CASQ2: variants seen among roughly 807,000 people sequenced by gnomAD.
The protein encoded by CASQ2 is calsequestrin 2.
Under a neutral mutation model 46.5 loss-of-function variants are expected in CASQ2, and 49 were observed. The observed-to-expected ratio is 1.05, with a 90% CI of 0.84 to 1.34. The LOEUF is 1.34. Ranked by LOEUF, CASQ2 falls within the 40% of genes most tolerant of loss-of-function variation. The probability of loss-of-function intolerance (pLI) is 0.00; values close to 1 mark genes in which losing one functional copy is unlikely to be tolerated. For synonymous variants in CASQ2, 174 were observed against 168.5 expected, an observed-to-expected ratio of 1.03 and a Z score of -0.25; for missense variants, 486 against 481.3, an observed-to-expected ratio of 1.01 and a Z score of -0.09.
At chr1:115,724,055 G>T (rs1210119650) in intron 7 of CASQ2, among the ~76,000 whole-genome samples, 2 of 152,120 alleles carry the variant, frequency 1.3e-5, no homozygotes, top group East Asian at 1.9e-4. Context: ...TCACTTCAAA[G>T]AATTAAACAG....
intron 1 of CASQ2, among the ~76,000 whole-genome samples, chr1:115,759,283 G>A (rs12057627): frequency 0.047 from 7,229 of 152,264 alleles, 603 homozygotes; most frequent in African/African-American, 0.16. Flanking sequence ...TTTGGGTTAT[G>A]TGGGTGGGCC....
At chr1:115,728,913 G>A (rs915034847) in intron 5 of CASQ2, among the ~76,000 whole-genome samples, 7 of 151,926 alleles carry the variant, frequency 4.6e-5, no homozygotes, top group South Asian at 2.1e-4. Flanking sequence ...TTGGATTGTC[G>A]TGTCCTTAAT....
chr1:115,766,427 C>T (rs949426497), intron 1 of CASQ2, among the ~76,000 whole-genome samples: 6 of 152,182 alleles, frequency 3.9e-5, no homozygotes, highest in African/African-American at 1.2e-4. Context: ...CTAACACATA[C>T]CAAGTGCTTA....
chr1:115,749,634 C>T (rs545291356), intron 1 of CASQ2, among the ~76,000 whole-genome samples: 4 of 152,280 alleles, frequency 2.6e-5, no homozygotes, highest in Admixed American at 6.5e-5. Context: ...TGGTCACTGC[C>T]GCCAGTCCTA....
chr1:115,712,426 G>T (rs1234294950), intron 8 of CASQ2, among the ~76,000 whole-genome samples: 1 of 152,176 alleles, frequency 6.6e-6, no homozygotes, highest in Non-Finnish European at 1.5e-5. Flanking sequence ...ACAGAGCCCA[G>T]ACTCGGGGCT....
chr1:115,701,742 T>C (rs2101052669), intron 10 of CASQ2, among the ~76,000 whole-genome samples: 1 of 152,350 alleles, frequency 6.6e-6, no homozygotes. Context: ...TAGGAAATAC[T>C]TTTTACTTTG....
intron 2 of CASQ2, 23 bp from the exon 3 acceptor site, chr1:115,740,851 C>T: frequency 2.0e-6 from 3 of 1,477,924 alleles, no homozygotes; most frequent in Non-Finnish European, 2.8e-6. Context: ...AAGAGGCCCA[C>T]AGAGAAGGTC....
chr1:115,702,829 G>A (rs1654247470), intron 10 of CASQ2, 92 bp downstream of exon 10: 6 of 992,082 alleles, frequency 6.0e-6, no homozygotes, highest in Non-Finnish European at 7.9e-6. Flanking sequence ...GAAAAGGCTG[G>A]GCTACTATAG....
chr1:115,708,046 A>C (rs1287542861), intron 8 of CASQ2, among the ~76,000 whole-genome samples: 1 of 152,170 alleles, frequency 6.6e-6, no homozygotes, highest in Non-Finnish European at 1.5e-5. Flanking sequence ...GATTCATCAA[A>C]AGGAATGTGG....
At position 115,738,252 on chromosome 1, in the gene CASQ2, A is replaced by G. The variant is rs771992236; in HGVS notation, c.504T>C (p.Ile168=). 4 of 1,612,260 alleles carry G rather than the reference A, an allele frequency of 2.5e-6. No homozygotes were observed. The highest frequency in any genetic ancestry group is 3.4e-6 in the Non-Finnish European group (4 of 1,178,272). The change falls in exon 4 of 11, where the codon ATT becomes ATC. Residue 168 remains isoleucine (I), a synonymous_variant. Transcript: ENST00000261448. ...CTGAGTCCTCACTCTTGAAAAAGCC[A>G]ATGAGTTTGATGTAGTCTTCAATGC... ...FERIEDYIKL[I]GFFKSEDSEY...
intron 1 of CASQ2, among the ~76,000 whole-genome samples, chr1:115,758,691 T>C (rs1013650740): frequency 5.3e-5 from 8 of 151,982 alleles, no homozygotes; most frequent in Non-Finnish European, 1.0e-4. Flanking sequence ...CCTCTGAGAG[T>C]TGGTTGTTAA....
intron 8 of CASQ2, among the ~76,000 whole-genome samples, 191 bp from the exon 9 acceptor site, chr1:115,705,483 A>C (rs1032484441): frequency 6.6e-6 from 1 of 152,218 alleles, no homozygotes; most frequent in African/African-American, 2.4e-5. Flanking sequence ...GAAACAATAA[A>C]AAATTTGAAC....
At chr1:115,754,471 T>C (rs554989327) in intron 1 of CASQ2, among the ~76,000 whole-genome samples, 287 of 152,364 alleles carry the variant, frequency 1.9e-3, no homozygotes, top group Middle Eastern at 3.4e-3. Flanking sequence ...GGGTGTTTAC[T>C]ATATGCCAGC....
intron 5 of CASQ2, among the ~76,000 whole-genome samples, chr1:115,732,364 A>G (rs1435068431): frequency 6.6e-6 from 1 of 152,226 alleles, no homozygotes; most frequent in African/African-American, 2.4e-5. Context: ...ATAGGCTTGA[A>G]GACTGGGCCA....
chr1:115,748,920 A>G (rs1648479658), intron 1 of CASQ2, among the ~76,000 whole-genome samples: 1 of 152,220 alleles, frequency 6.6e-6, no homozygotes, highest in Non-Finnish European at 1.5e-5. Context: ...CCCAGGGACT[A>G]AAGTGGGGCT....
chr1:115,750,024 A>G (rs1289697942), intron 1 of CASQ2, among the ~76,000 whole-genome samples: 2 of 152,184 alleles, frequency 1.3e-5, no homozygotes, highest in Non-Finnish European at 2.9e-5. Flanking sequence ...TTCCTCCATA[A>G]GAAGAAGGAC....
intron 1 of CASQ2, among the ~76,000 whole-genome samples, chr1:115,763,862 G>A (rs1649040828): frequency 6.6e-6 from 1 of 152,202 alleles, no homozygotes; most frequent in Admixed American, 6.5e-5. Context: ...GGCTTGCACA[G>A]CAGTTTCAAG....
At chr1:115,752,030 G>A (rs1022940860) in intron 1 of CASQ2, among the ~76,000 whole-genome samples, 2 of 152,178 alleles carry the variant, frequency 1.3e-5, no homozygotes, top group African/African-American at 4.8e-5. Context: ...TGAAGCTTCA[G>A]CTTCTTGCAG....
Position 115,730,867 on chromosome 1 carries a change from A to G in CASQ2, c.606+2034T>C, listed in dbSNP as rs149678243. Among the ~76,000 whole-genome samples, 623 of 152,176 alleles carry G rather than the reference A, an allele frequency of 4.1e-3. 6 individuals carry two copies. Among genetic ancestry groups the G allele is most frequent in the African/African-American group, 0.014 (600 of 41,504 alleles). ...CCAGGTCCCTCTGAGATTCCCTAGGATGTGTTGTACAAACAGGTCCTTTCA... is the reference window on the plus strand; with the variant it reads ...CCAGGTCCCTCTGAGATTCCCTAGGGTGTGTTGTACAAACAGGTCCTTTCA... On this transcript the variant is annotated intron_variant, in intron 5 of 10. Transcript: ENST00000261448.
Sources: allele counts gnomAD v4.1 joint callset (sites outside exome capture counted in the v4.1 genomes callset), GRCh38; gene constraint gnomAD v4.1.1; transcripts MANE v1.5; gene names NCBI Gene and HGNC (gene_info 2026-07-23, HGNC 2026-07-21).